Variants in NCK1 observed in about 807,000 individuals in gnomAD.
NCK1 encodes NCK adaptor protein 1.
Under a neutral mutation model 36.6 loss-of-function variants are expected in NCK1, and 19 were observed. The ratio of observed to expected loss-of-function variants is 0.52; its 90% CI spans 0.36 to 0.76. The LOEUF (loss-of-function observed/expected upper bound fraction) is 0.76, where lower values mean the gene tolerates loss of function less well. Among genes scored for constraint, NCK1 ranks in the 30% least tolerant of loss-of-function variants. The probability of loss-of-function intolerance (pLI) is 0.00; values close to 1 mark genes in which losing one functional copy is unlikely to be tolerated. For synonymous variants in NCK1, 165 were observed against 156.0 expected, an observed-to-expected ratio of 1.06 and a Z score of -0.43; for missense variants, 358 against 445.6, an observed-to-expected ratio of 0.80 and a Z score of 1.77.
intron 1 of NCK1, among the ~76,000 whole-genome samples, chr3:136,920,843 T>C (rs1940090849): frequency 6.6e-6 from 1 of 152,178 alleles, no homozygotes; most frequent in African/African-American, 2.4e-5. Context: ...ATCTAAGTCT[T>C]ATATACTATA....
At chr3:136,888,936 C>G (rs772723804) in intron 1 of NCK1, 2 of 151,562 alleles carry the variant, frequency 1.3e-5, no homozygotes, top group Non-Finnish European at 2.9e-5. Flanking sequence ...AGTGCTTGAT[C>G]ACAGCTCACT....
chr3:136,926,774 G>A (rs1395401024), intron 1 of NCK1, among the ~76,000 whole-genome samples: 1 of 152,082 alleles, frequency 6.6e-6, no homozygotes, highest in Non-Finnish European at 1.5e-5. Flanking sequence ...TTATCTTTTT[G>A]TTATGGTTGT....
Position 136,948,602 on chromosome 3 carries a change from G to T in NCK1, c.*149G>T. ...CAATAAGTATTTTTATTATAACTCA[G>T]CCCATACATATATACTATGTATGCA... On this transcript the variant is annotated 3_prime_UTR_variant, in exon 4 of 4. Coordinates refer to ENST00000481752, the MANE Select transcript of NCK1 (RefSeq NM_001291999.2). 1.5e-6 allele frequency: 1 copy of T among 661,486 alleles called. No homozygotes were observed. Among genetic ancestry groups the T allele is most frequent in the South Asian group, 2.0e-5 (1 of 48,858 alleles). The allele number at this position is 661,486 out of a possible 1,614,324, so 41.0% of individuals were successfully genotyped here.
At chr3:136,941,308 T>G (rs1189848737) in intron 2 of NCK1, among the ~76,000 whole-genome samples, 1 of 151,874 alleles carries the variant, frequency 6.6e-6, no homozygotes, top group Non-Finnish European at 1.5e-5. Context: ...TGGTATTTTT[T>G]TGGTAGAGAC....
chr3:136,873,769 A>G (rs1365296511), intron 1 of NCK1, among the ~76,000 whole-genome samples: 2 of 152,136 alleles, frequency 1.3e-5, no homozygotes, highest in Non-Finnish European at 2.9e-5. Context: ...TTGAGAACTG[A>G]TGATTTTTAA....
chr3:136,926,324 G>A lies in NCK1; in HGVS notation c.-18-1660G>A, dbSNP rs570142307. ...GAGTCTCGCTCTGCGGCCCAGGCTG[G>A]AGTGCAGTGGCGCGATCTCGGCTCA... On this transcript the variant is annotated intron_variant, in intron 1 of 3. Coordinates refer to ENST00000481752, the MANE Select transcript of NCK1 (RefSeq NM_001291999.2). 1.1e-4 allele frequency among the ~76,000 whole-genome samples: 16 copies of A among 151,794 alleles called. No individual in the cohort carries two copies. In the South Asian group the frequency reaches 3.1e-3, roughly 30 times the overall value.
At chr3:136,934,407 T>C (rs960731384) in intron 2 of NCK1, among the ~76,000 whole-genome samples, 1 of 151,942 alleles carries the variant, frequency 6.6e-6, no homozygotes, top group African/African-American at 2.4e-5. Context: ...TGCCTCAGCC[T>C]CCCGAGTAGC....
chr3:136,875,899 G>A (rs1157911249), intron 1 of NCK1, among the ~76,000 whole-genome samples: 1 of 151,558 alleles, frequency 6.6e-6, no homozygotes, highest in Non-Finnish European at 1.5e-5. Flanking sequence ...CCACATAGTT[G>A]GAAGTAAAGC....
At position 136,928,217 on chromosome 3, in the gene NCK1, G is replaced by A. The variant is rs898267362; in HGVS notation, c.216G>A (p.Lys72=). Residue 72 remains lysine, a synonymous_variant, in exon 2 of 4, where the codon AAG becomes AAA. Coordinates refer to ENST00000481752, the MANE Select transcript of NCK1 (RefSeq NM_001291999.2). ...ARKASIVKNL[K]DTLGIGKVKR... Reference sequence around the variant, plus strand: ...AAGCATCTATTGTGAAAAACCTAAAGGATACCTTAGGTAAGATATTTTTTA... The same window carrying A: ...AAGCATCTATTGTGAAAAACCTAAAAGATACCTTAGGTAAGATATTTTTTA... The A allele has an allele frequency of 1.9e-6, 3 of 1,608,290 alleles. No individual in the cohort carries two copies. The Admixed American group carries it at 5.1e-5, about 28-fold the overall frequency.
At chr3:136,888,120 T>G (rs1213186927) in intron 1 of NCK1, among the ~76,000 whole-genome samples, 1 of 151,904 alleles carries the variant, frequency 6.6e-6, no homozygotes, top group Non-Finnish European at 1.5e-5. Context: ...AATTTTTGTA[T>G]TTTTAGTAGA....
At chr3:136,924,273 A>G (rs1940184776) in intron 1 of NCK1, among the ~76,000 whole-genome samples, 1 of 152,220 alleles carries the variant, frequency 6.6e-6, no homozygotes, top group South Asian at 2.1e-4. Context: ...AACAACCTAG[A>G]AAAAGTAAAG....
At chr3:136,932,235 G>A (rs1365187034) in intron 2 of NCK1, among the ~76,000 whole-genome samples, 1 of 151,970 alleles carries the variant, frequency 6.6e-6, no homozygotes, top group Non-Finnish European at 1.5e-5. Context: ...GATAGTTAAT[G>A]CATTTGCAGA....
chr3:136,890,155 C>T (rs530709903), intron 1 of NCK1, among the ~76,000 whole-genome samples: 75 of 152,338 alleles, frequency 4.9e-4, no homozygotes, highest in African/African-American at 1.6e-3. Context: ...GGGGAGGCAG[C>T]TGAGGCCCGG....
intron 2 of NCK1, among the ~76,000 whole-genome samples, chr3:136,933,812 C>A (rs1470485169): frequency 6.6e-6 from 1 of 152,094 alleles, no homozygotes; most frequent in Non-Finnish European, 1.5e-5. Context: ...TCAAACGATT[C>A]TCGTCCCTCA....
At position 136,951,135 on chromosome 3, in the gene NCK1, A is replaced by G. The variant is rs1940961141; in HGVS notation, c.*2682A>G. On this transcript the variant is annotated 3_prime_UTR_variant, in exon 4 of 4. Transcript: ENST00000481752. ...TAGCAGATGGGCAACTTGGGTTGTT[A>G]GAATAAGGTCATTCTTGCAGAATAT... Among the ~76,000 whole-genome samples the G allele has an allele frequency of 6.6e-6, 1 of 152,220 alleles. No homozygotes were observed.
intron 1 of NCK1, among the ~76,000 whole-genome samples, chr3:136,915,223 G>A (rs1939928946): frequency 6.6e-6 from 1 of 152,204 alleles, no homozygotes; most frequent in Non-Finnish European, 1.5e-5. Flanking sequence ...GGTAGTAGTA[G>A]TGAGAATGGA....
At chr3:136,917,748 C>T (rs1940005909) in intron 1 of NCK1, among the ~76,000 whole-genome samples, 1 of 152,208 alleles carries the variant, frequency 6.6e-6, no homozygotes. Flanking sequence ...TCCCACAGCA[C>T]TTACGAGTTA....
chr3:136,945,676 T>C lies in NCK1; in HGVS notation c.320T>C (p.Leu107Pro). The change falls in exon 3 of 4, where the codon CTC becomes CCC. Residue 107 changes from leucine (L) to proline (P), a missense_variant. Leu to Pro is a moderately conservative substitution (Grantham distance 98, BLOSUM62 -3). This residue lies in a region of NCK1 where 143 missense variants were observed against 162.4 expected (regional missense o/e 0.88). Coordinates refer to ENST00000481752, the MANE Select transcript of NCK1 (RefSeq NM_001291999.2). ...FVDPGERLYD[L>P]NMPAYVKFNY... ...GACCCAGGGGAACGTCTCTATGACC[T>C]CAACATGCCCGCTTATGTGAAATTT... The C allele has an allele frequency of 6.2e-7, 1 of 1,614,140 alleles. No individual in the cohort carries two copies.
At chr3:136,889,293 A>G in intron 1 of NCK1, 1 of 175,862 alleles carries the variant, frequency 5.7e-6, no homozygotes, top group Non-Finnish European at 1.1e-5. Context: ...GAAGCCGCGG[A>G]CCCTCGCGGT....
Sources: gnomAD v4.1 joint callset for allele counts (sites outside exome capture counted in the v4.1 genomes callset) on GRCh38, gnomAD v4.1.1 for gene constraint, gnomAD v4.1.1 regional missense constraint, MANE v1.5 for transcripts, NCBI Gene and HGNC (gene_info 2026-07-23, HGNC 2026-07-21) for gene names.